The following COBLL1 variants were observed in gnomAD, a reference collection of about 807,000 sequenced individuals.
The protein encoded by COBLL1 is cordon-bleu protein-like 1.
In COBLL1, 50 loss-of-function variants were observed where a neutral mutation model predicts 94.8. The observed-to-expected ratio is 0.53, with a 90% CI of 0.42 to 0.67. The LOEUF (loss-of-function observed/expected upper bound fraction) is 0.67, where lower values mean the gene tolerates loss of function less well. Among genes scored for constraint, COBLL1 ranks in the 30% least tolerant of loss-of-function variants. The pLI is 0.00. For synonymous variants in COBLL1, 448 were observed against 473.8 expected (o/e 0.95, Z 0.71); for missense variants, 1,362 against 1,348.7 (o/e 1.01, Z -0.15).
Position 164,705,600 on chromosome 2 carries a change from C to T in COBLL1, c.997-495G>A, listed in dbSNP as rs79354434. ...AGAGCTACTGCTCACACTCCTAGCC[C>T]GTGACTGTCAGCAGACCCTAAGACA... On this transcript the variant is annotated intron_variant, in intron 7 of 13. Transcript: ENST00000652658. Among the ~76,000 whole-genome samples, 1,363 of 152,252 alleles carry T rather than the reference C, an allele frequency of 9.0e-3. 24 individuals are homozygous for T. The highest frequency in any genetic ancestry group is 0.032 in the African/African-American group (1,309 of 41,534).
In COBLL1 at chr2:164,686,029, T is replaced by G. The variant is rs909788699; in HGVS notation, c.3304A>C (p.Thr1102Pro). The G allele has an allele frequency of 3.8e-6, 6 of 1,584,828 alleles. No individual in the cohort carries two copies. Among genetic ancestry groups the G allele is most frequent in the Non-Finnish European group, 5.2e-6 (6 of 1,157,924 alleles). ...GEAAAKLKRV[T>P]IPSNTISVNG... Reference sequence around the variant, plus strand: ...ACAGATATTGTATTTGATGGAATGGTAACCTAAGAGAAAGAAACACACTTT... The same window carrying G: ...ACAGATATTGTATTTGATGGAATGGGAACCTAAGAGAAAGAAACACACTTT... The change falls in exon 14 of 14, where the codon ACC becomes CCC. Residue 1102 changes from threonine to proline, a missense_variant. Coordinates refer to ENST00000652658, the MANE Select transcript of COBLL1 (RefSeq NM_001365672.2).
chr2:164,681,622 G>A lies in COBLL1; in HGVS notation c.*4324C>T, dbSNP rs1391713931. 2.0e-5 allele frequency: 3 copies of A among 152,182 alleles called. No individual in the cohort carries two copies. The highest frequency in any genetic ancestry group is 4.4e-5 in the Non-Finnish European group (3 of 68,040). 9.4% of individuals were successfully genotyped at this position (152,182 alleles called of 1,614,324 possible). ...TGGATGCAAGAGAGAAAGAATTGAG[G>A]CCATCACTATGCCTATCGCTATCGC... On this transcript the variant is annotated 3_prime_UTR_variant, in exon 14 of 14. Transcript: ENST00000652658.
chr2:164,694,682 C>A lies in COBLL1; in HGVS notation c.2710G>T (p.Ala904Ser). The change falls in exon 12 of 14, where the codon GCA becomes TCA. Residue 904 changes from alanine (A) to serine (S), a missense_variant. By Grantham distance (99) the Ala-to-Ser change is moderately conservative (BLOSUM62 1). Coordinates refer to ENST00000652658, the MANE Select transcript of COBLL1 (RefSeq NM_001365672.2). ...GGAGAAGGCAGCATATCCCTTTCTG[C>A]CTCTTTATTTGTCAGTTCTTTTGGA... Reference protein sequence around the residue: ...PAPKELTNKEAERDMLPSPEQ... With the variant: ...PAPKELTNKESERDMLPSPEQ... 1.2e-6 allele frequency: 2 copies of A among 1,613,772 alleles called. No homozygotes were observed. Among genetic ancestry groups the A allele is most frequent in the Non-Finnish European group, 1.7e-6 (2 of 1,179,948 alleles).
rs1360166337 is a variant in COBLL1, at chr2:164,694,648, G to C, written c.2744C>G (p.Thr915Ser). 1 of 1,613,744 alleles carries C rather than the reference G, an allele frequency of 6.2e-7. No individual in the cohort carries two copies. Among genetic ancestry groups the C allele is most frequent in the Non-Finnish European group, 8.5e-7 (1 of 1,179,960 alleles). ...ERDMLPSPEQ[T>S]LSPLSKMPHS... is the part of the protein sequence containing the mutation. ...AGGCATTTTACTTAAGGGAGAAAGA[G>C]TCTGCTCCGGAGAAGGCAGCATATC... is the stretch of plus-strand genomic sequence containing the variant. Residue 915 changes from threonine to serine, a missense_variant, in exon 12 of 14, where the codon ACT becomes AGT. Physicochemically the swap from Thr to Ser is moderately conservative, Grantham distance 58. Coordinates refer to ENST00000652658, the MANE Select transcript of COBLL1 (RefSeq NM_001365672.2).
chr2:164,752,704 C>A (rs1046901309), intron 2 of COBLL1, among the ~76,000 whole-genome samples: 2 of 152,120 alleles, frequency 1.3e-5, no homozygotes, highest in Non-Finnish European at 2.9e-5. Flanking sequence ...AACAGGAAGG[C>A]AGATACCAGA....
chr2:164,695,880 A>T lies in COBLL1; in HGVS notation c.1556-44T>A, dbSNP rs1272947396. 4.1e-6 allele frequency: 6 copies of T among 1,467,722 alleles called. No homozygotes were observed. In the South Asian group the frequency reaches 8.3e-5, roughly 20 times the overall value. 90.9% of individuals were successfully genotyped at this position (1,467,722 alleles called of 1,614,324 possible). On this transcript the variant is annotated intron_variant, in intron 11 of 13. Transcript: ENST00000652658. ...CAAGTTAAATATATGAAAGAAGTAG[A>T]AAACCTCAAGTTTTTAATGCCTACT... is the stretch of plus-strand genomic sequence containing the variant.
chr2:164,834,385 G>T (rs1452243355), intron 2 of COBLL1, among the ~76,000 whole-genome samples: 2 of 152,172 alleles, frequency 1.3e-5, no homozygotes, highest in South Asian at 2.1e-4. Flanking sequence ...AATGTTAAAA[G>T]TCTAAAATGT....
At chr2:164,753,230 A>C (rs72880648) in intron 2 of COBLL1, among the ~76,000 whole-genome samples, 2,436 of 152,236 alleles carry the variant, frequency 0.016, 27 homozygotes, top group South Asian at 0.027. Flanking sequence ...GGAATGGCAA[A>C]CCCAAAAGAA....
intron 2 of COBLL1, among the ~76,000 whole-genome samples, chr2:164,784,855 T>C (rs1688879348): frequency 6.6e-6 from 1 of 152,086 alleles, no homozygotes; most frequent in Non-Finnish European, 1.5e-5. Context: ...ACATATAAAA[T>C]GAAGGTGCTA....
At chr2:164,821,372 T>G (rs1685160394) in intron 2 of COBLL1, among the ~76,000 whole-genome samples, 1 of 152,122 alleles carries the variant, frequency 6.6e-6, no homozygotes, top group Non-Finnish European at 1.5e-5. Context: ...AGAAAGGAAA[T>G]GCATAACCTA....
chr2:164,790,342 C>G (rs1683124947), intron 2 of COBLL1, among the ~76,000 whole-genome samples: 1 of 152,132 alleles, frequency 6.6e-6, no homozygotes, highest in East Asian at 1.9e-4. Context: ...GGGTTATGCT[C>G]TGGCCACCCA....
chr2:164,663,170 C>T (rs978531604), intron 2 of COBLL1, among the ~76,000 whole-genome samples: 3 of 152,132 alleles, frequency 2.0e-5, no homozygotes, highest in African/African-American at 7.2e-5. Flanking sequence ...GGGCATAGGG[C>T]AACCTGCACA....
At chr2:164,686,487 T>C (rs1178626932) in intron 13 of COBLL1, among the ~76,000 whole-genome samples, 5 of 152,116 alleles carry the variant, frequency 3.3e-5, no homozygotes, top group Admixed American at 2.0e-4. Context: ...TGGCCCCCTA[T>C]TTATTCAAAA....
chr2:164,841,028 G>A lies in COBLL1; in HGVS notation c.41+128C>T, dbSNP rs1683573579. On this transcript the variant is annotated intron_variant, in intron 2 of 13. Transcript: ENST00000652658. The surrounding 1 kb of genome is among the most constrained non-coding windows in gnomAD (Gnocchi z 5.5). ...AGGAAGCAGCCTCCCCGGCCGCGTGGAGGACAGTCAGTGAGTCAGGCCGCC... is the reference window on the plus strand; with the variant it reads ...AGGAAGCAGCCTCCCCGGCCGCGTGAAGGACAGTCAGTGAGTCAGGCCGCC... The A allele has an allele frequency of 3.9e-6, 4 of 1,029,838 alleles. No homozygotes were observed. In the South Asian group the frequency reaches 1.5e-4, roughly 38 times the overall value. 63.8% of individuals were successfully genotyped at this position (1,029,838 alleles called of 1,614,324 possible).
intron 2 of COBLL1, among the ~76,000 whole-genome samples, chr2:164,803,546 CAG>C (rs1683927972): frequency 6.8e-6 from 1 of 147,364 alleles, no homozygotes; most frequent in South Asian, 2.1e-4. Context: ...GCCTGGGTGA[CAG>C]AGCGAGACTC....
At chr2:164,799,175 A>C (rs1032488731) in intron 2 of COBLL1, among the ~76,000 whole-genome samples, 1 of 152,166 alleles carries the variant, frequency 6.6e-6, no homozygotes, top group African/African-American at 2.4e-5. Flanking sequence ...TTTCCCCTCC[A>C]GTATACCCCA....
chr2:164,695,733 G>A lies in COBLL1; in HGVS notation c.1659C>T (p.Asn553=). 3 of 1,613,606 alleles carry A rather than the reference G, an allele frequency of 1.9e-6. No homozygotes were observed. The highest frequency in any genetic ancestry group is 2.2e-5 in the South Asian group (2 of 91,024). The stretch of plus-strand genomic sequence containing the variant: ...GTCTCTCAACTTCCATATCAATGTT[G>A]TTATTTTTGGCAACACCTTCTACAT... The part of the protein sequence containing the change: ...EINVEGVAKN[N]NIDMEVERPS... Residue 553 remains asparagine, a synonymous_variant, in exon 12 of 14, where the codon AAC becomes AAT. Coordinates refer to ENST00000652658, the MANE Select transcript of COBLL1 (RefSeq NM_001365672.2).
chr2:164,727,845 C>G, intron 5 of COBLL1, 124 bp downstream of exon 5: 1 of 502,882 alleles, frequency 2.0e-6, no homozygotes, highest in East Asian at 3.1e-5. Flanking sequence ...CAAGTAATTA[C>G]TTTTATCTAT....
intron 9 of COBLL1, chr2:164,703,139 G>C (rs1684400181): frequency 1.9e-6 from 3 of 1,613,520 alleles, no homozygotes; most frequent in East Asian, 2.2e-5. Context: ...AGGTGTCCCA[G>C]GGCACTCAAA....
Sources: allele counts gnomAD v4.1 joint callset (sites outside exome capture counted in the v4.1 genomes callset), GRCh38; gene constraint gnomAD v4.1.1; non-coding constraint Gnocchi (gnomAD v3.1); transcripts MANE v1.5; gene names NCBI Gene and HGNC (gene_info 2026-07-23, HGNC 2026-07-21).